NAV3: variants seen among roughly 807,000 people sequenced by gnomAD.
The protein encoded by NAV3 is neuron navigator 3, also known as pore membrane and/or filament interacting like protein 1.
In NAV3, 87 loss-of-function variants were observed where a neutral mutation model predicts 244.7. The ratio of observed to expected loss-of-function variants is 0.36; its 90% CI spans 0.30 to 0.42. The LOEUF (loss-of-function observed/expected upper bound fraction) is 0.42. NAV3 is among the 20% of genes least tolerant of loss of function. The probability of loss-of-function intolerance (pLI) is 1.00; values close to 1 mark genes in which losing one functional copy is unlikely to be tolerated. For synonymous variants in NAV3, 1,126 were observed against 1,042.2 expected (o/e 1.08, Z -1.55); for missense variants, 2,663 against 2,893.3 (o/e 0.92, Z 1.83).
At position 78,004,448 on chromosome 12, in the gene NAV3, A is replaced by C. The variant is rs183009621; in HGVS notation, c.881-1971A>C. ...ATAGCCCATAAAAATGCAAGATACA[A>C]ATCCATTTTTGGAATGCCTTTAAAT... On this transcript the variant is annotated intron_variant, in intron 7 of 39. Transcript: ENST00000397909. Among the ~76,000 whole-genome samples, 30 of 152,300 alleles carry C rather than the reference A, an allele frequency of 2.0e-4. No homozygotes were observed. The East Asian group carries it at 3.9e-3, about 20-fold the overall frequency.
chr12:77,746,368 A>C (rs986048996), intron 2 of NAV3, among the ~76,000 whole-genome samples: 2 of 152,094 alleles, frequency 1.3e-5, no homozygotes, highest in African/African-American at 4.8e-5. Context: ...AGAAGTCAAC[A>C]CAGACAAGCT....
At chr12:78,047,058 G>A (rs1881927432) in intron 9 of NAV3, among the ~76,000 whole-genome samples, 2 of 152,072 alleles carry the variant, frequency 1.3e-5, no homozygotes, top group South Asian at 4.1e-4. Flanking sequence ...TGTAACCCCT[G>A]CTTTTATTTG....
intron 9 of NAV3, among the ~76,000 whole-genome samples, chr12:78,041,773 G>A (rs1190328698): frequency 2.0e-5 from 3 of 152,126 alleles, no homozygotes; most frequent in Admixed American, 6.5e-5. Flanking sequence ...GGGCACATTT[G>A]TTATAGATTT....
intron 23 of NAV3, among the ~76,000 whole-genome samples, chr12:78,163,733 G>A (rs1320365567): frequency 6.6e-6 from 1 of 151,996 alleles, no homozygotes; most frequent in Non-Finnish European, 1.5e-5. Flanking sequence ...GTGCTTGCTG[G>A]GGAGTGAAAT....
chr12:77,711,832 G>A (rs1876129786), intron 2 of NAV3, among the ~76,000 whole-genome samples: 1 of 152,200 alleles, frequency 6.6e-6, no homozygotes. Context: ...ATGACCCATA[G>A]AGTTGAGGTT....
At chr12:78,026,868 C>G (rs1445149218) in intron 9 of NAV3, among the ~76,000 whole-genome samples, 1 of 151,872 alleles carries the variant, frequency 6.6e-6, no homozygotes, top group Non-Finnish European at 1.5e-5. Context: ...AAAAAAGGAA[C>G]CTAATAATTT....
Position 77,966,292 on chromosome 12 carries a change from T to C in NAV3, c.478T>C (p.Ser160Pro). ...CAGAGGGGTAAATGTTCAAGGTCTA[T>C]CTGCTGAAGGTAAGAAAAAGAATGA... ...AARGVNVQGL[S>P]AEEIRNGNLK... Residue 160 changes from serine to proline, a missense_variant, in exon 4 of 40, where the codon TCT (serine) becomes CCT (proline). Around this residue, in one of 6 missense-constraint regions of NAV3, gnomAD observed 1,521 missense variants for 1,497.0 expected, o/e 1.02. Transcript: ENST00000397909. 3 of 1,612,602 alleles carry C rather than the reference T, an allele frequency of 1.9e-6. No homozygotes were observed. The highest frequency in any genetic ancestry group is 2.5e-6 in the Non-Finnish European group (3 of 1,179,168).
chr12:77,771,426 AG>A lies in NAV3; in HGVS notation c.73-168891del, dbSNP rs1453995960. Among the ~76,000 whole-genome samples the A allele has an allele frequency of 3.3e-5, 5 of 151,322 alleles. No individual in the cohort carries two copies. The East Asian group carries it at 9.6e-4, about 29-fold the overall frequency. On this transcript the variant is annotated intron_variant, in intron 2 of 8. Transcript: ENST00000550042. ...ATCCCATTACTGGGTATATACCCAA[AG>A]GACTATAAATCATGCTGCTATAAAG...
chr12:78,078,719 G>A (rs983865081), intron 12 of NAV3, among the ~76,000 whole-genome samples: 23 of 151,852 alleles, frequency 1.5e-4, no homozygotes, highest in Non-Finnish European at 2.5e-4. Context: ...TAAATTTAAA[G>A]CCATAGCTTC....
intron 2 of NAV3, among the ~76,000 whole-genome samples, chr12:77,734,006 T>C (rs1265678109): frequency 6.6e-6 from 1 of 151,784 alleles, no homozygotes; most frequent in Non-Finnish European, 1.5e-5. Context: ...GTTTGTTTGT[T>C]TCAGGATCAG....
chr12:77,684,087 C>G (rs1346879022), intron 2 of NAV3, among the ~76,000 whole-genome samples: 2 of 152,164 alleles, frequency 1.3e-5, no homozygotes, highest in Non-Finnish European at 2.9e-5. Flanking sequence ...GATCTGCATT[C>G]AGACCTGCAT....
chr12:78,118,001 T>C, intron 13 of NAV3, 26 bp from the exon 14 acceptor site: 1 of 1,524,716 alleles, frequency 6.6e-7, no homozygotes, highest in Non-Finnish European at 8.8e-7. Context: ...CTACATAAAG[T>C]TTTTCTGTAA....
intron 1 of NAV3, among the ~76,000 whole-genome samples, chr12:77,934,982 A>C (rs911422527): frequency 1.3e-5 from 2 of 152,088 alleles, no homozygotes; most frequent in Non-Finnish European, 2.9e-5. Context: ...TCTTTCCCCT[A>C]TCACTTCTCC....
intron 1 of NAV3, among the ~76,000 whole-genome samples, chr12:77,907,866 T>G (rs1000429758): frequency 1.3e-5 from 2 of 152,116 alleles, no homozygotes; most frequent in Non-Finnish European, 2.9e-5. Flanking sequence ...ACTGCACTAT[T>G]TCTTGTCTAC....
intron 12 of NAV3, among the ~76,000 whole-genome samples, chr12:78,104,870 C>G (rs1010165065): frequency 6.6e-6 from 1 of 152,072 alleles, no homozygotes; most frequent in African/African-American, 2.4e-5. Flanking sequence ...GCATCTTTAA[C>G]TTAATGCGCT....
At position 78,088,404 on chromosome 12, in the gene NAV3, T is replaced by C. The variant is rs1593528691; in HGVS notation, c.2637-28368T>C. On this transcript the variant is annotated intron_variant, in intron 12 of 39. Coordinates refer to ENST00000397909, the MANE Select transcript of NAV3 (RefSeq NM_001024383.2). Reference sequence around the variant, plus strand: ...GTGAATAGATTATCACTGCAAACAATGTTATCTCAACTGAGTGGACAAGAG... The same window carrying C: ...GTGAATAGATTATCACTGCAAACAACGTTATCTCAACTGAGTGGACAAGAG... 3.3e-5 allele frequency among the ~76,000 whole-genome samples: 5 copies of C among 152,126 alleles called. No homozygotes were observed. In the South Asian group the frequency reaches 1.0e-3, roughly 31 times the overall value.
intron 2 of NAV3, among the ~76,000 whole-genome samples, chr12:77,825,650 C>T (rs1872951854): frequency 6.6e-6 from 1 of 151,998 alleles, no homozygotes; most frequent in South Asian, 2.1e-4. Context: ...AATCAAAATC[C>T]TTGAAAAAGT....
At chr12:78,064,999 A>C (rs1237287307) in intron 12 of NAV3, among the ~76,000 whole-genome samples, 1 of 152,160 alleles carries the variant, frequency 6.6e-6, no homozygotes, top group African/African-American at 2.4e-5. Context: ...ACGTAAGATC[A>C]ATAGATACAG....
chr12:77,708,417 ATC>A (rs1241113555), intron 2 of NAV3, among the ~76,000 whole-genome samples: 1 of 152,048 alleles, frequency 6.6e-6, no homozygotes, highest in African/African-American at 2.4e-5. Flanking sequence ...ATTGATCTAT[ATC>A]TCTGTTTTTG....
Sources: allele counts gnomAD v4.1 joint callset (sites outside exome capture counted in the v4.1 genomes callset), GRCh38; gene constraint gnomAD v4.1.1; regional missense constraint gnomAD v4.1.1; transcripts MANE v1.5; gene names NCBI Gene and HGNC (gene_info 2026-07-23, HGNC 2026-07-21).